CBLB: variants seen among roughly 807,000 people sequenced by gnomAD.
CBLB encodes the protein Cbl proto-oncogene B, also known as E3 ubiquitin-protein ligase CBL-B.
CBLB carries 31 observed loss-of-function variants against 104.9 expected under a neutral mutation model. The observed-to-expected ratio is 0.30, with a 90% confidence interval of 0.22 to 0.40. The LOEUF (loss-of-function observed/expected upper bound fraction) is 0.40, where lower values mean the gene tolerates loss of function less well. Ranked by LOEUF, CBLB falls within the 10% of genes least tolerant of loss-of-function variation. The pLI is 1.00. For missense variants in CBLB, 1,062 were observed against 1,214.6 expected, an observed-to-expected ratio of 0.87 and a Z score of 1.87; for synonymous variants, 440 against 422.6, an observed-to-expected ratio of 1.04 and a Z score of -0.51.
intron 10 of CBLB, among the ~76,000 whole-genome samples, chr3:105,706,664 A>G (rs888064973): frequency 6.6e-6 from 1 of 152,168 alleles, no homozygotes; most frequent in Non-Finnish European, 1.5e-5. Context: ...GATAAATTAT[A>G]TTCTCTGAGA....
At chr3:105,677,855 A>G (rs1182376258) in intron 17 of CBLB, among the ~76,000 whole-genome samples, 1 of 150,424 alleles carries the variant, frequency 6.6e-6, no homozygotes, top group Non-Finnish European at 1.5e-5. Flanking sequence ...ATAGTTACTA[A>G]GAAAAAATTA....
At chr3:105,816,061 G>A (rs1454612860) in intron 3 of CBLB, among the ~76,000 whole-genome samples, 2 of 152,088 alleles carry the variant, frequency 1.3e-5, no homozygotes, top group African/African-American at 4.8e-5. Flanking sequence ...CGGGAGGTAG[G>A]GGGCAAGGGG....
Position 105,828,307 on chromosome 3 carries a change from T to C in CBLB, c.419+25107A>G, listed in dbSNP as rs938598694. ...AACCCAGGAAATGCTATCTTTACTA[T>C]GGATGGATAACAATGGGGAAATATA... is the stretch of plus-strand genomic sequence containing the variant. On this transcript the variant is annotated intron_variant, in intron 3 of 18. Coordinates refer to ENST00000394030, the MANE Select transcript of CBLB (RefSeq NM_170662.5). Among the ~76,000 whole-genome samples the C allele has an allele frequency of 3.3e-5, 5 of 152,266 alleles. No individual in the cohort carries two copies. The South Asian group carries it at 1.0e-3, about 32-fold the overall frequency.
At chr3:105,783,170 T>G (rs984232730) in intron 3 of CBLB, among the ~76,000 whole-genome samples, 9 of 152,328 alleles carry the variant, frequency 5.9e-5, no homozygotes, top group Non-Finnish European at 1.2e-4. Flanking sequence ...TGGCTTAATA[T>G]CCTTAGCCTG....
At chr3:105,808,947 G>T (rs1030091187) in intron 3 of CBLB, among the ~76,000 whole-genome samples, 3 of 152,120 alleles carry the variant, frequency 2.0e-5, no homozygotes, top group Admixed American at 1.3e-4. Context: ...CTTTTAGATT[G>T]TAAGATCAGA....
At position 105,659,089 on chromosome 3, in the gene CBLB, A is replaced by G; in HGVS notation, c.2830T>C (p.Tyr944His). The G allele has an allele frequency of 6.2e-7, 1 of 1,613,930 alleles. No homozygotes were observed. Among genetic ancestry groups the G allele is most frequent in the South Asian group, 1.1e-5 (1 of 91,066 alleles). Reference sequence around the variant, plus strand: ...GCTCTCTTCACCTCTTCAAAGGCATAACCCTCTCCCATGAGTTTTGCAATT... The same window carrying G: ...GCTCTCTTCACCTCTTCAAAGGCATGACCCTCTCCCATGAGTTTTGCAATT... ...AKIAKLMGEG[Y>H]AFEEVKRALE... Residue 944 changes from tyrosine (Y) to histidine (H), a missense_variant, in exon 19 of 19, where the codon TAT (tyrosine) becomes CAT (histidine). By Grantham distance (83) the Tyr-to-His change is moderately conservative. Around this residue, in one of 2 missense-constraint regions of CBLB, gnomAD observed 605 missense variants for 582.6 expected, o/e 1.04. Transcript: ENST00000394030.
At chr3:105,728,897 A>G (rs201721836) in intron 9 of CBLB, among the ~76,000 whole-genome samples, 1 of 152,154 alleles carries the variant, frequency 6.6e-6, no homozygotes, top group East Asian at 1.9e-4. Flanking sequence ...TGACACAGCT[A>G]CTGCGCATTT....
chr3:105,688,842 T>C (rs2067321199), intron 13 of CBLB, among the ~76,000 whole-genome samples: 1 of 152,120 alleles, frequency 6.6e-6, no homozygotes, highest in African/African-American at 2.4e-5. Context: ...TGTGGTATAC[T>C]ATCAAGCTTT....
intron 3 of CBLB, among the ~76,000 whole-genome samples, chr3:105,825,160 A>G (rs2086403147): frequency 6.6e-6 from 1 of 152,210 alleles, no homozygotes; most frequent in African/African-American, 2.4e-5. Context: ...GTCTCAAACA[A>G]GGTTGGCACA....
At chr3:105,730,125 T>C (rs891130265) in intron 9 of CBLB, among the ~76,000 whole-genome samples, 6 of 152,030 alleles carry the variant, frequency 3.9e-5, no homozygotes, top group Non-Finnish European at 7.4e-5. Flanking sequence ...CGGGGATTAC[T>C]GTGCATATTT....
Position 105,868,847 on chromosome 3 carries a change from G to A in CBLB, c.-126C>T. On this transcript the variant is annotated 5_prime_UTR_variant, in exon 1 of 19. Coordinates refer to ENST00000394030, the MANE Select transcript of CBLB (RefSeq NM_170662.5). ...GCTGGGAGTGGGATCGCTGAGAACA[G>A]CTCGCTCCCGAAGAAGGAGCAACCC... 9.9e-7 allele frequency: 1 copy of A among 1,009,346 alleles called. No individual in the cohort carries two copies. Among genetic ancestry groups the A allele is most frequent in the Non-Finnish European group, 1.2e-6 (1 of 846,268 alleles). 62.5% of individuals were successfully genotyped at this position (1,009,346 alleles called of 1,614,324 possible). A position where few individuals can be genotyped will look rare whatever the true frequency, so the allele number is the denominator to read the frequency against.
chr3:105,800,243 A>C (rs1353327276), intron 3 of CBLB, among the ~76,000 whole-genome samples: 1 of 152,174 alleles, frequency 6.6e-6, no homozygotes, highest in East Asian at 1.9e-4. Flanking sequence ...AGTATCCCAG[A>C]GAATCAATAA....
intron 9 of CBLB, among the ~76,000 whole-genome samples, chr3:105,729,697 C>T (rs2074096936): frequency 6.6e-6 from 1 of 152,020 alleles, no homozygotes; most frequent in Non-Finnish European, 1.5e-5. Flanking sequence ...TTCTTACTGA[C>T]ATATTTATCA....
intron 2 of CBLB, among the ~76,000 whole-genome samples, chr3:105,855,131 G>A (rs547125682): frequency 6.6e-6 from 1 of 152,126 alleles, no homozygotes; most frequent in Non-Finnish European, 1.5e-5. Context: ...CAATGAAACT[G>A]AAATAAGGCA....
At chr3:105,777,120 G>C (rs1044382454) in intron 3 of CBLB, among the ~76,000 whole-genome samples, 4 of 152,204 alleles carry the variant, frequency 2.6e-5, no homozygotes, top group African/African-American at 9.7e-5. Context: ...TGAAAGCAGA[G>C]CAGAGGGTAA....
intron 10 of CBLB, among the ~76,000 whole-genome samples, chr3:105,710,935 A>T (rs1418341022): frequency 2.6e-5 from 4 of 152,008 alleles, no homozygotes; most frequent in African/African-American, 7.2e-5. Context: ...TAAAGTAGTC[A>T]AAAGCCCATC....
At chr3:105,756,364 T>C (rs2077085042) in intron 4 of CBLB, among the ~76,000 whole-genome samples, 1 of 152,186 alleles carries the variant, frequency 6.6e-6, no homozygotes, top group Non-Finnish European at 1.5e-5. Flanking sequence ...TTTAAACATT[T>C]AATTTTTATA....
intron 3 of CBLB, among the ~76,000 whole-genome samples, chr3:105,802,744 A>G (rs929883026): frequency 1.3e-5 from 2 of 152,140 alleles, no homozygotes; most frequent in African/African-American, 4.8e-5. Context: ...CACACATTTT[A>G]TAGTCATCAG....
In CBLB at chr3:105,689,877, T is replaced by A. The variant is rs536350050; in HGVS notation, c.2054+3617A>T. Among the ~76,000 whole-genome samples, 4 of 152,148 alleles carry A rather than the reference T, an allele frequency of 2.6e-5. No individual in the cohort carries two copies. In the South Asian group the frequency reaches 6.2e-4, roughly 24 times the overall value. ...GAAACCATTTAGAAAAAAACATTAATTTAGAAAAATTAAGTATATAGATAC... is the reference window on the plus strand; with the variant it reads ...GAAACCATTTAGAAAAAAACATTAAATTAGAAAAATTAAGTATATAGATAC... On this transcript the variant is annotated intron_variant, in intron 13 of 18. Coordinates refer to ENST00000394030, the MANE Select transcript of CBLB (RefSeq NM_170662.5).
Sources: gnomAD v4.1 joint callset for allele counts (sites outside exome capture counted in the v4.1 genomes callset) on GRCh38, gnomAD v4.1.1 for gene constraint, gnomAD v4.1.1 regional missense constraint, MANE v1.5 for transcripts, NCBI Gene and HGNC (gene_info 2026-07-23, HGNC 2026-07-21) for gene names.